Variants in CCDC138 observed in about 807,000 individuals in gnomAD.
CCDC138 encodes coiled-coil domain containing 138.
A neutral mutation model predicts 82.3 loss-of-function variants in CCDC138; 66 were observed. The observed-to-expected ratio is 0.80, with a 90% confidence interval of 0.66 to 0.98. CCDC138 has a LOEUF of 0.98. CCDC138 is among the 50% of genes least tolerant of loss of function. CCDC138 has a pLI of 0.00. For missense variants in CCDC138, 816 were observed against 758.9 expected (o/e 1.08, Z -0.88); for synonymous variants, 297 against 265.4 (o/e 1.12, Z -1.16).
chr2:108,850,991 C>T (rs563237036), intron 12 of CCDC138, among the ~76,000 whole-genome samples: 240 of 152,272 alleles, frequency 1.6e-3, no homozygotes, highest in Admixed American at 2.8e-3. Flanking sequence ...AAGGCTGCCT[C>T]GTGCCACACC....
At chr2:108,792,890 C>G (rs1680138797) in intron 4 of CCDC138, among the ~76,000 whole-genome samples, 2 of 151,124 alleles carry the variant, frequency 1.3e-5, no homozygotes, top group East Asian at 3.9e-4. Flanking sequence ...CGGTGAAACC[C>G]TGTCTCTACT....
At chr2:108,787,482 G>GAAA (rs1679075475) in intron 1 of CCDC138, among the ~76,000 whole-genome samples, 2 of 152,076 alleles carry the variant, frequency 1.3e-5, no homozygotes, top group African/African-American at 2.4e-5. Flanking sequence ...GCATAAGGAC[G>GAAA]TTGTCTTTTA....
intron 13 of CCDC138, among the ~76,000 whole-genome samples, chr2:108,866,819 T>C (rs956603573): frequency 6.6e-6 from 1 of 151,296 alleles, no homozygotes; most frequent in Non-Finnish European, 1.5e-5. Context: ...GGAGGTGGAG[T>C]TTGCAGTGAG....
rs113318329 is a variant in CCDC138, at chr2:108,842,525, G to C, written c.1323+3224G>C. ...AGGTTTTTCACAGGCTGTTTTGTTT[G>C]TTGAGTTTAAAGCAAGCAGACATGA... On this transcript the variant is annotated intron_variant, in intron 11 of 14. Transcript: ENST00000295124. 7.8e-3 allele frequency among the ~76,000 whole-genome samples: 1,182 copies of C among 152,100 alleles called. 22 individuals carry two copies. The highest frequency in any genetic ancestry group is 0.026 in the African/African-American group (1,085 of 41,480).
At chr2:108,795,557 A>G (rs1680733703) in intron 5 of CCDC138, among the ~76,000 whole-genome samples, 1 of 152,260 alleles carries the variant, frequency 6.6e-6, no homozygotes, top group Non-Finnish European at 1.5e-5. Context: ...CCCGTTGGAA[A>G]CACATGAAAT....
rs758043136 is a variant in CCDC138 at position 108,794,687 on chromosome 2, A to G, written c.542A>G (p.Tyr181Cys). 1.2e-5 allele frequency: 19 copies of G among 1,613,470 alleles called. No homozygotes were observed. Among genetic ancestry groups the G allele is most frequent in the Admixed American group, 6.7e-5 (4 of 59,750 alleles). The change falls in exon 5 of 15, where the codon TAT (tyrosine) becomes TGT (cysteine). Residue 181 changes from tyrosine to cysteine, a missense_variant. Coordinates refer to ENST00000295124, the MANE Select transcript of CCDC138 (RefSeq NM_144978.3). ...CTTCCACATCAGATCAGTCAGATAT[A>G]TGACGAATTATTTCAGATACATCTG... is the stretch of plus-strand genomic sequence containing the variant. Reference protein sequence around the residue: ...SLLPHQISQIYDELFQIHLKL... With the variant: ...SLLPHQISQICDELFQIHLKL...
Position 108,794,550 on chromosome 2 carries a change from AACTAAT to A in CCDC138, c.408_413del (p.Asn137_Thr138del), listed in dbSNP as rs1312883282. ...TTATTTTCTTTGCAGTTGCCTTGCC[AACTAAT>A]ACGACCTCATCGAGACCTCGGACTG... On this transcript the variant is annotated inframe_deletion, in exon 5 of 15. Coordinates refer to ENST00000295124, the MANE Select transcript of CCDC138 (RefSeq NM_144978.3). The A allele has an allele frequency of 6.3e-7, 1 of 1,597,542 alleles. No homozygotes were observed. The highest frequency in any genetic ancestry group is 8.5e-7 in the Non-Finnish European group (1 of 1,172,402).
chr2:108,873,971 T>C (rs1410678148), intron 14 of CCDC138, among the ~76,000 whole-genome samples: 1 of 152,174 alleles, frequency 6.6e-6, no homozygotes, highest in Admixed American at 6.5e-5. Flanking sequence ...CTAACGCTGA[T>C]CTAAGACCAC....
chr2:108,864,706 A>G (rs113901091), intron 13 of CCDC138, among the ~76,000 whole-genome samples: 3 of 151,720 alleles, frequency 2.0e-5, no homozygotes, highest in African/African-American at 7.3e-5. Context: ...AGGCAGGAGA[A>G]TCACTTGCAC....
At chr2:108,798,194 C>G (rs1558975814) in intron 5 of CCDC138, among the ~76,000 whole-genome samples, 29 of 152,150 alleles carry the variant, frequency 1.9e-4, no homozygotes, top group Admixed American at 1.9e-3. Context: ...ACCCTAAATT[C>G]TCTTGCATCA....
intron 5 of CCDC138, among the ~76,000 whole-genome samples, chr2:108,796,236 A>G (rs1298350670): frequency 6.7e-6 from 1 of 148,588 alleles, no homozygotes; most frequent in African/African-American, 2.5e-5. Context: ...TTGTATTTTT[A>G]GTAGAGATGG....
downstream of CCDC138, among the ~76,000 whole-genome samples, chr2:108,876,918 G>A (rs1215805525): frequency 6.6e-6 from 1 of 152,144 alleles, no homozygotes; most frequent in Non-Finnish European, 1.5e-5. Context: ...GATGAGTAAA[G>A]TGGCCACAGG....
intron 14 of CCDC138, 73 bp downstream of exon 14, chr2:108,873,662 A>G: frequency 2.8e-6 from 3 of 1,090,794 alleles, no homozygotes; most frequent in Non-Finnish European, 3.9e-6. Context: ...AGGGGTTTTA[A>G]TCTTTTGGCT....
At chr2:108,849,196 A>G (rs994000110) in intron 12 of CCDC138, among the ~76,000 whole-genome samples, 2 of 152,208 alleles carry the variant, frequency 1.3e-5, no homozygotes, top group Non-Finnish European at 2.9e-5. Flanking sequence ...AAAAATCTAC[A>G]AAAAAGAAAA....
chr2:108,852,720 A>G (rs1373851100), intron 12 of CCDC138, among the ~76,000 whole-genome samples: 10 of 152,134 alleles, frequency 6.6e-5, no homozygotes, highest in Admixed American at 2.0e-4. Flanking sequence ...ATGGATACAT[A>G]AGGGGAACAA....
intron 7 of CCDC138, among the ~76,000 whole-genome samples, chr2:108,811,806 A>G (rs969914518): frequency 2.6e-5 from 4 of 151,892 alleles, no homozygotes; most frequent in African/African-American, 7.2e-5. Context: ...TGTTATTTCC[A>G]TCTTTATGTC....
chr2:108,792,174 T>C (rs1422692799), intron 4 of CCDC138, among the ~76,000 whole-genome samples: 1 of 152,184 alleles, frequency 6.6e-6, no homozygotes, highest in Non-Finnish European at 1.5e-5. Flanking sequence ...TTCATAGTTG[T>C]GGCGGGATTT....
At chr2:108,877,326 G>T (rs1320016767), downstream of CCDC138, among the ~76,000 whole-genome samples, 1 of 151,588 alleles carries the variant, frequency 6.6e-6, no homozygotes, top group African/African-American at 2.4e-5. Context: ...GAATTAGCCA[G>T]GCGGTGATGG....
intron 12 of CCDC138, among the ~76,000 whole-genome samples, chr2:108,854,573 C>T (rs1692297883): frequency 6.6e-6 from 1 of 152,120 alleles, no homozygotes; most frequent in Non-Finnish European, 1.5e-5. Flanking sequence ...TGTTAGACTA[C>T]ATTAGTTGTT....
Sources: gnomAD v4.1 joint callset for allele counts (sites outside exome capture counted in the v4.1 genomes callset) on GRCh38, gnomAD v4.1.1 for gene constraint, MANE v1.5 for transcripts, NCBI Gene and HGNC (gene_info 2026-07-23, HGNC 2026-07-21) for gene names.